ADGRL2: variants seen among roughly 807,000 people sequenced by gnomAD.
ADGRL2 encodes the protein adhesion G protein-coupled receptor L2.
In ADGRL2, 44 loss-of-function variants were observed where a neutral mutation model predicts 157.4. That is an observed-to-expected ratio of 0.28 (90% CI 0.22 to 0.36). The LOEUF is 0.36. ADGRL2 is among the 10% of genes least tolerant of loss of function. The pLI, the probability that ADGRL2 is intolerant of heterozygous loss-of-function variation, is 1.00. For missense variants in ADGRL2, 1,510 were observed against 1,768.9 expected, an observed-to-expected ratio of 0.85 and a Z score of 2.63; for synonymous variants, 585 against 624.7, an observed-to-expected ratio of 0.94 and a Z score of 0.95.
intron 2 of ADGRL2, among the ~76,000 whole-genome samples, chr1:81,516,958 A>G (rs1276859382): frequency 6.6e-6 from 1 of 152,022 alleles, no homozygotes; most frequent in African/African-American, 2.4e-5. Flanking sequence ...AATAAATAGT[A>G]AATACTTTAG....
intron 2 of ADGRL2, among the ~76,000 whole-genome samples, chr1:81,873,618 A>G (rs2093754805): frequency 6.6e-6 from 1 of 152,100 alleles, no homozygotes; most frequent in Non-Finnish European, 1.5e-5. Context: ...CACATGAGAC[A>G]AGAACTGGTA....
At chr1:81,522,084 C>T (rs190725428) in intron 2 of ADGRL2, among the ~76,000 whole-genome samples, 72 of 151,752 alleles carry the variant, frequency 4.7e-4, no homozygotes, top group African/African-American at 1.7e-3. Context: ...CCTTCCTCAG[C>T]CTCTTGGGTA....
intron 1 of ADGRL2, among the ~76,000 whole-genome samples, chr1:81,392,440 T>C (rs907413681): frequency 1.3e-5 from 2 of 149,762 alleles, no homozygotes; most frequent in African/African-American, 5.1e-5. Flanking sequence ...TGCAAAATTA[T>C]GCTGGAGGAA....
intron 3 of ADGRL2, among the ~76,000 whole-genome samples, chr1:81,911,806 A>G (rs1445243359): frequency 6.6e-6 from 1 of 152,118 alleles, no homozygotes; most frequent in Non-Finnish European, 1.5e-5. Context: ...GAAGACGGTG[A>G]AAATATGTGC....
At chr1:81,512,779 A>C (rs1389718003) in intron 2 of ADGRL2, among the ~76,000 whole-genome samples, 1 of 152,150 alleles carries the variant, frequency 6.6e-6, no homozygotes, top group Non-Finnish European at 1.5e-5. Context: ...GTAGCAACTC[A>C]ATAAAGCTGA....
intron 1 of ADGRL2, among the ~76,000 whole-genome samples, chr1:81,337,481 A>G (rs1490711309): frequency 6.6e-6 from 1 of 152,138 alleles, no homozygotes; most frequent in Non-Finnish European, 1.5e-5. Flanking sequence ...GGCTGAGTAA[A>G]CAAGCCATCC....
intron 2 of ADGRL2, among the ~76,000 whole-genome samples, chr1:81,504,299 C>CCAGCCTTCTT (rs992381168): frequency 2.9e-4 from 44 of 152,234 alleles, no homozygotes; most frequent in South Asian, 2.1e-4. Flanking sequence ...CCAGTCCTCC[C>CCAGCCTTCTT]CAGCCTTCTT....
intron 12 of ADGRL2, 47 bp downstream of exon 12, chr1:81,966,230 A>G: frequency 6.2e-7 from 1 of 1,610,588 alleles, no homozygotes; most frequent in South Asian, 1.1e-5. Context: ...TTGTTGTTCA[A>G]AAACCTATTA....
At chr1:81,721,662 G>A in intron 1 of ADGRL2, 1 of 991,960 alleles carries the variant, frequency 1.0e-6, no homozygotes, top group South Asian at 1.3e-5. Context: ...CCGGGCTGCA[G>A]CTCTTCAGCT....
chr1:81,891,407 G>C (rs2094260755), intron 2 of ADGRL2, among the ~76,000 whole-genome samples: 1 of 151,870 alleles, frequency 6.6e-6, no homozygotes, highest in Admixed American at 6.6e-5. Flanking sequence ...AATGGGATTT[G>C]GTAAAGCTCT....
intron 1 of ADGRL2, among the ~76,000 whole-genome samples, chr1:81,422,187 C>CTTT (rs33976349): frequency 6.6e-6 from 1 of 151,564 alleles, no homozygotes; most frequent in Non-Finnish European, 1.5e-5. Context: ...TCTCAAACTT[C>CTTT]TTTTTTTTTT....
At chr1:81,547,108 A>G (rs1030789006) in intron 2 of ADGRL2, among the ~76,000 whole-genome samples, 7 of 152,144 alleles carry the variant, frequency 4.6e-5, no homozygotes, top group African/African-American at 1.7e-4. Context: ...GCTTTGGCAA[A>G]GTTGCCAGGC....
intron 1 of ADGRL2, among the ~76,000 whole-genome samples, chr1:81,351,430 AT>A (rs1662877752): frequency 6.6e-6 from 1 of 152,138 alleles, no homozygotes; most frequent in Non-Finnish European, 1.5e-5. Flanking sequence ...AGTCAATCCA[AT>A]TTGATTCTAG....
chr1:81,452,653 G>A (rs1557699304), intron 2 of ADGRL2, among the ~76,000 whole-genome samples: 1 of 152,134 alleles, frequency 6.6e-6, no homozygotes, highest in Non-Finnish European at 1.5e-5. Flanking sequence ...TCCTGCCTGT[G>A]AGAATAGCAT....
chr1:81,655,399 A>G (rs2082511136), intron 3 of ADGRL2, among the ~76,000 whole-genome samples: 1 of 152,138 alleles, frequency 6.6e-6, no homozygotes, highest in African/African-American at 2.4e-5. Flanking sequence ...TCACACAACT[A>G]ATGAGTGTGG....
intron 1 of ADGRL2, among the ~76,000 whole-genome samples, chr1:81,440,089 G>A (rs146695244): frequency 1.4e-3 from 208 of 152,278 alleles, no homozygotes; most frequent in African/African-American, 4.5e-3. Context: ...TCAAAGGTGC[G>A]TACGACAATG....
chr1:81,470,207 A>G (rs1441109670), intron 2 of ADGRL2, among the ~76,000 whole-genome samples: 1 of 152,168 alleles, frequency 6.6e-6, no homozygotes, highest in Non-Finnish European at 1.5e-5. Flanking sequence ...TACATCTATA[A>G]CTGTTCTGTT....
chr1:81,858,189 A>G (rs2093271109), intron 2 of ADGRL2, among the ~76,000 whole-genome samples: 1 of 152,148 alleles, frequency 6.6e-6, no homozygotes, highest in African/African-American at 2.4e-5. Context: ...TCTTTTGGGG[A>G]TAATAGCAGT....
intron 1 of ADGRL2, among the ~76,000 whole-genome samples, chr1:81,727,456 T>G (rs975473830): frequency 1.3e-5 from 2 of 152,100 alleles, no homozygotes; most frequent in Admixed American, 1.3e-4. Flanking sequence ...TTTTTTGAGA[T>G]GGAGTCTTGC....
Sources: allele counts gnomAD v4.1 joint callset (sites outside exome capture counted in the v4.1 genomes callset), GRCh38; gene constraint gnomAD v4.1.1; transcripts MANE v1.5; gene names NCBI Gene and HGNC (gene_info 2026-07-23, HGNC 2026-07-21).